Variants in SIAH3 observed in about 807,000 individuals in gnomAD.
The protein encoded by SIAH3 is seven in absentia homolog 3.
A neutral mutation model predicts 12.6 loss-of-function variants in SIAH3; 9 were observed. The ratio of observed to expected loss-of-function variants is 0.72; its 90% CI spans 0.43 to 1.25. The LOEUF is 1.25. Ranked by LOEUF, SIAH3 falls within the 50% of genes most tolerant of loss-of-function variation. The pLI, the probability that SIAH3 is intolerant of heterozygous loss-of-function variation, is 0.00. For missense variants in SIAH3, 390 were observed against 365.4 expected (o/e 1.07, Z -0.55); for synonymous variants, 154 against 151.1 (o/e 1.02, Z -0.14).
intron 1 of SIAH3, among the ~76,000 whole-genome samples, chr13:45,822,302 C>T (rs1348603928): frequency 6.6e-6 from 1 of 151,930 alleles, no homozygotes; most frequent in Non-Finnish European, 1.5e-5. Flanking sequence ...ATATAATTTT[C>T]CTAGAGGTGA....
intron 1 of SIAH3, among the ~76,000 whole-genome samples, chr13:45,797,205 G>A (rs1331421342): frequency 1.4e-5 from 2 of 147,146 alleles, no homozygotes; most frequent in East Asian, 4.0e-4. Context: ...GTCCTATTTT[G>A]TTCATATTTC....
chr13:45,787,861 G>C (rs1950533434), intron 1 of SIAH3, among the ~76,000 whole-genome samples: 1 of 152,220 alleles, frequency 6.6e-6, no homozygotes. Context: ...CCTGCTCTAA[G>C]CTGGTGCTCA....
At chr13:45,814,013 C>T (rs560654642) in intron 1 of SIAH3, among the ~76,000 whole-genome samples, 11 of 152,018 alleles carry the variant, frequency 7.2e-5, no homozygotes, top group Admixed American at 2.0e-4. Context: ...CCGAGGCAGG[C>T]GGATCATGAG....
At chr13:45,833,594 T>C (rs541835867) in intron 1 of SIAH3, among the ~76,000 whole-genome samples, 21 of 152,300 alleles carry the variant, frequency 1.4e-4, no homozygotes, top group African/African-American at 5.1e-4. Context: ...ATACTCTCTA[T>C]CCACATTGTG....
intron 1 of SIAH3, among the ~76,000 whole-genome samples, chr13:45,828,543 G>A (rs1251613669): frequency 6.6e-6 from 1 of 152,176 alleles, no homozygotes; most frequent in Non-Finnish European, 1.5e-5. Context: ...ACTATTTTGC[G>A]AGACTCAAAA....
chr13:45,832,610 C>T (rs1018007761), intron 1 of SIAH3, among the ~76,000 whole-genome samples: 3 of 152,108 alleles, frequency 2.0e-5, no homozygotes, highest in Non-Finnish European at 2.9e-5. Flanking sequence ...CGGTTGTTTC[C>T]ACCTCTTGGC....
chr13:45,829,694 C>A (rs1018824270), intron 1 of SIAH3, among the ~76,000 whole-genome samples: 1 of 152,196 alleles, frequency 6.6e-6, no homozygotes, highest in Middle Eastern at 3.2e-3. Context: ...CCAGAGATAA[C>A]CCCTGTTCTG....
chr13:45,803,293 T>C (rs1336864302), intron 1 of SIAH3, among the ~76,000 whole-genome samples: 1 of 152,214 alleles, frequency 6.6e-6, no homozygotes, highest in East Asian at 1.9e-4. Flanking sequence ...TTCATCAAAC[T>C]TTATCAGCCC....
intron 1 of SIAH3, among the ~76,000 whole-genome samples, chr13:45,847,407 T>C (rs1950763988): frequency 6.6e-6 from 1 of 152,082 alleles, no homozygotes; most frequent in African/African-American, 2.4e-5. Context: ...ACATCTCACA[T>C]CTCTCCTTTC....
intron 1 of SIAH3, among the ~76,000 whole-genome samples, chr13:45,850,092 G>A (rs1476677370): frequency 6.6e-6 from 1 of 152,206 alleles, no homozygotes. Flanking sequence ...GCAAGCAAGA[G>A]CAGGTGTGAA....
rs1001653264 is a variant in SIAH3 at position 45,780,330 on chromosome 13, G to C, written c.*3053C>G. ...TGTTGCCCAGGCTGGAGTTACAAGT[G>C]GTGCAATCACAGCTCACTGTGACCT... On this transcript the variant is annotated 3_prime_UTR_variant, in exon 2 of 2. Coordinates refer to ENST00000400405, the MANE Select transcript of SIAH3 (RefSeq NM_198849.3). 6.6e-6 allele frequency: 1 copy of C among 152,080 alleles called. No homozygotes were observed. The highest frequency in any genetic ancestry group is 2.4e-5 in the African/African-American group (1 of 41,348). The allele number at this position is 152,080 out of a possible 1,614,324, so 9.4% of individuals were successfully genotyped here.
intron 1 of SIAH3, among the ~76,000 whole-genome samples, chr13:45,787,351 C>T (rs1272276915): frequency 2.0e-5 from 3 of 152,168 alleles, no homozygotes; most frequent in Non-Finnish European, 4.4e-5. Context: ...GTACACACCA[C>T]CCATCTTGTG....
intron 1 of SIAH3, among the ~76,000 whole-genome samples, chr13:45,820,427 GCTC>G (rs548507385): frequency 3.9e-4 from 60 of 152,188 alleles, no homozygotes; most frequent in Non-Finnish European, 6.9e-4. Context: ...CTGGTGAGGA[GCTC>G]CTTGTAATCT....
rs1318323904 is a variant in SIAH3, at chr13:45,780,383, T to A, written c.*3000A>T. 2.6e-5 allele frequency: 4 copies of A among 152,094 alleles called. No homozygotes were observed. The highest frequency in any genetic ancestry group is 2.6e-4 in the Admixed American group (4 of 15,266). 9.4% of individuals were successfully genotyped at this position (152,094 alleles called of 1,614,324 possible). ...ACCTCCTGGGCTCAAGCCATCCCCCTGTCTTGGCCTCCGAGTAGTTAAGAC... is the reference window on the plus strand; with the variant it reads ...ACCTCCTGGGCTCAAGCCATCCCCCAGTCTTGGCCTCCGAGTAGTTAAGAC... On this transcript the variant is annotated 3_prime_UTR_variant, in exon 2 of 2. Coordinates refer to ENST00000400405, the MANE Select transcript of SIAH3 (RefSeq NM_198849.3).
chr13:45,820,920 A>G (rs936138141), intron 1 of SIAH3, among the ~76,000 whole-genome samples: 2 of 151,166 alleles, frequency 1.3e-5, no homozygotes, highest in Non-Finnish European at 2.9e-5. Flanking sequence ...GAATTTCCCC[A>G]CCTCCGTCCT....
chr13:45,800,267 C>T (rs1249230507), intron 1 of SIAH3, among the ~76,000 whole-genome samples: 2 of 152,024 alleles, frequency 1.3e-5, no homozygotes, highest in Non-Finnish European at 2.9e-5. Flanking sequence ...GAACTATATG[C>T]GTCAAGAGAT....
chr13:45,831,237 G>T (rs1950698194), intron 1 of SIAH3, among the ~76,000 whole-genome samples: 1 of 151,390 alleles, frequency 6.6e-6, no homozygotes, highest in Admixed American at 6.6e-5. Flanking sequence ...ATAAAAAAAT[G>T]AATCGTCTAT....
At chr13:45,786,257 G>A (rs1423705658) in intron 1 of SIAH3, among the ~76,000 whole-genome samples, 1 of 152,156 alleles carries the variant, frequency 6.6e-6, no homozygotes, top group Non-Finnish European at 1.5e-5. Flanking sequence ...ATACTCAAGA[G>A]GACCCAGTCT....
chr13:45,826,979 CCA>C (rs1333233239), intron 1 of SIAH3, among the ~76,000 whole-genome samples: 1 of 152,158 alleles, frequency 6.6e-6, no homozygotes, highest in Non-Finnish European at 1.5e-5. Context: ...CTCGAGTAAA[CCA>C]CAGTTTTAAC....
Sources: gnomAD v4.1 joint callset for allele counts (sites outside exome capture counted in the v4.1 genomes callset) on GRCh38, gnomAD v4.1.1 for gene constraint, MANE v1.5 for transcripts, NCBI Gene and HGNC (gene_info 2026-07-23, HGNC 2026-07-21) for gene names.